The following MDGA2 variants were observed in gnomAD, a reference collection of about 807,000 sequenced individuals.
MDGA2 encodes the protein MAM domain containing glycosylphosphatidylinositol anchor 2, also known as MAM domain-containing glycosylphosphatidylinositol anchor protein 2.
In MDGA2, 40 loss-of-function variants were observed where a neutral mutation model predicts 117.8. The ratio of observed to expected loss-of-function variants is 0.34; its 90% CI spans 0.26 to 0.44. The LOEUF is 0.44. Among genes scored for constraint, MDGA2 ranks in the 20% least tolerant of loss-of-function variants. The pLI is 1.00. For missense variants in MDGA2, 1,123 were observed against 1,250.6 expected (o/e 0.90, Z 1.54); for synonymous variants, 452 against 439.0 (o/e 1.03, Z -0.37).
intron 8 of MDGA2, among the ~76,000 whole-genome samples, chr14:47,001,999 A>ATT (rs1382527411): frequency 6.6e-6 from 1 of 152,110 alleles, no homozygotes; most frequent in Non-Finnish European, 1.5e-5. Flanking sequence ...TAAAGGCAAA[A>ATT]TATATTGTAT....
intron 5 of MDGA2, among the ~76,000 whole-genome samples, chr14:47,125,022 C>A (rs1468954878): frequency 6.6e-6 from 1 of 152,082 alleles, no homozygotes; most frequent in Non-Finnish European, 1.5e-5. Flanking sequence ...TTTCACAAAC[C>A]TAAATAGTCC....
rs1160615524 is a variant in MDGA2, at chr14:47,577,970, C to T, written c.280+96547G>A. Among the ~76,000 whole-genome samples, 8 of 152,236 alleles carry T rather than the reference C, an allele frequency of 5.3e-5. No homozygotes were observed. In the East Asian group the frequency reaches 1.4e-3, roughly 26 times the overall value. ...ATCCTACGGCAAAGACACATGCACACTTGTTTACTGGAGAGCTATTTACAA... is the reference window on the plus strand; with the variant it reads ...ATCCTACGGCAAAGACACATGCACATTTGTTTACTGGAGAGCTATTTACAA... On this transcript the variant is annotated intron_variant, in intron 1 of 16. Coordinates refer to ENST00000399232, the MANE Select transcript of MDGA2 (RefSeq NM_001113498.3).
chr14:47,279,920 G>C (rs374838825), intron 2 of MDGA2, among the ~76,000 whole-genome samples: 49 of 152,176 alleles, frequency 3.2e-4, no homozygotes, highest in African/African-American at 1.1e-3. Context: ...CTCCAGTCTG[G>C]AGTGCAGTGG....
chr14:47,093,799 T>C (rs1383140836), intron 6 of MDGA2, among the ~76,000 whole-genome samples: 1 of 152,114 alleles, frequency 6.6e-6, no homozygotes. Context: ...CTATCAGCAC[T>C]CTACACTCTT....
chr14:47,058,472 G>A, intron 7 of MDGA2: 1 of 955,286 alleles, frequency 1.0e-6, no homozygotes, highest in African/African-American at 1.8e-5. Flanking sequence ...CCATTTGTGT[G>A]AATTTCCTCA....
chr14:47,545,465 T>TTA (rs953087236), intron 1 of MDGA2, among the ~76,000 whole-genome samples: 1 of 152,090 alleles, frequency 6.6e-6, no homozygotes, highest in Non-Finnish European at 1.5e-5. Flanking sequence ...AGAATACACT[T>TTA]TATTTCTCAA....
Position 47,179,748 on chromosome 14 carries a change from A to G in MDGA2, c.596-35474T>C, listed in dbSNP as rs149198005. The stretch of plus-strand genomic sequence containing the variant: ...TATAAAAAATTAATTATCAAATTGA[A>G]ATATTTCAAATTCAAATATTTCTTC... On this transcript the variant is annotated intron_variant, in intron 3 of 16. Transcript: ENST00000399232. Among the ~76,000 whole-genome samples the G allele has an allele frequency of 4.5e-4, 69 of 152,252 alleles. No homozygotes were observed. The East Asian group carries it at 0.013, about 29-fold the overall frequency.
In MDGA2 at chr14:47,085,688, G is replaced by A. The variant is rs539903950; in HGVS notation, c.1195+11166C>T. ...ACCCCCTTCCCCCAAAATTAAAAAA[G>A]ATAATTACAGGAATTACAACAACTT... On this transcript the variant is annotated intron_variant, in intron 6 of 16. Coordinates refer to ENST00000399232, the MANE Select transcript of MDGA2 (RefSeq NM_001113498.3). Among the ~76,000 whole-genome samples the A allele has an allele frequency of 9.4e-5, 14 of 149,646 alleles. No individual in the cohort carries two copies. In the Middle Eastern group the frequency reaches 0.01, roughly 111 times the overall value.
chr14:47,519,370 T>C (rs1275139044), intron 1 of MDGA2, among the ~76,000 whole-genome samples: 1 of 152,200 alleles, frequency 6.6e-6, no homozygotes, highest in African/African-American at 2.4e-5. Context: ...GGATGGAAGG[T>C]CCACATGTCT....
chr14:47,194,813 G>A (rs1443503939), intron 3 of MDGA2, among the ~76,000 whole-genome samples: 1 of 151,442 alleles, frequency 6.6e-6, no homozygotes, highest in Non-Finnish European at 1.5e-5. Context: ...TCACAACTTT[G>A]CAAGATTATT....
chr14:47,457,006 T>C (rs541622551), intron 1 of MDGA2, among the ~76,000 whole-genome samples: 2 of 152,274 alleles, frequency 1.3e-5, no homozygotes, highest in East Asian at 1.9e-4. Flanking sequence ...GCTGACATAC[T>C]ACAACATCTG....
At chr14:47,290,087 T>C (rs1485392492) in intron 2 of MDGA2, among the ~76,000 whole-genome samples, 1 of 151,880 alleles carries the variant, frequency 6.6e-6, no homozygotes, top group Admixed American at 6.6e-5. Context: ...GACATTTTTT[T>C]TAAGAGATGA....
At chr14:47,063,502 T>C (rs1253138488) in intron 6 of MDGA2, among the ~76,000 whole-genome samples, 1 of 152,006 alleles carries the variant, frequency 6.6e-6, no homozygotes, top group African/African-American at 2.4e-5. Flanking sequence ...CTGCCATATT[T>C]GGTATATAAT....
chr14:46,945,278 G>C (rs1036714036), intron 9 of MDGA2, among the ~76,000 whole-genome samples: 50 of 152,074 alleles, frequency 3.3e-4, no homozygotes, highest in African/African-American at 1.2e-3. Flanking sequence ...TTTTAGCAGA[G>C]CTTGGTGTTA....
At chr14:47,431,843 T>C (rs576055513) in intron 1 of MDGA2, among the ~76,000 whole-genome samples, 1 of 152,022 alleles carries the variant, frequency 6.6e-6, no homozygotes, top group East Asian at 1.9e-4. Flanking sequence ...CAGTAAAGAG[T>C]CTAAAAAGTG....
At chr14:47,619,877 C>G (rs889722775) in intron 1 of MDGA2, among the ~76,000 whole-genome samples, 4 of 152,048 alleles carry the variant, frequency 2.6e-5, no homozygotes, top group Non-Finnish European at 5.9e-5. Context: ...CAGGGCTGCT[C>G]TACTCTTGGC....
intron 2 of MDGA2, among the ~76,000 whole-genome samples, chr14:47,271,232 G>A (rs993152003): frequency 1.3e-5 from 2 of 151,974 alleles, no homozygotes; most frequent in South Asian, 4.1e-4. Context: ...CTTCACCTTC[G>A]AATTCCTTCT....
intron 14 of MDGA2, among the ~76,000 whole-genome samples, chr14:46,867,593 AT>A (rs1417692309): frequency 6.6e-6 from 1 of 152,088 alleles, no homozygotes; most frequent in Non-Finnish European, 1.5e-5. Context: ...GATTCTTTAC[AT>A]TCCTTCTCTA....
At position 47,595,547 on chromosome 14, in the gene MDGA2, C is replaced by CAAAAAAAAA. The variant is rs777715271; in HGVS notation, c.280+78961_280+78969dup. 1.9e-3 allele frequency among the ~76,000 whole-genome samples: 134 copies of CAAAAAAAAA among 68,840 alleles called. 3 individuals are homozygous for CAAAAAAAAA. The highest frequency in any genetic ancestry group is 3.9e-3 in the African/African-American group (51 of 13,238). 45.2% of individuals were successfully genotyped at this position (68,840 alleles called of 152,430 possible). On this transcript the variant is annotated intron_variant, in intron 1 of 16. Transcript: ENST00000399232. ...AACTCCTTCTAAAAAAACCAAAAAA[C>CAAAAAAAAA]AAAAAAAAACAAAAAAAAAAAAAAC...
Sources: gnomAD v4.1 joint callset for allele counts (sites outside exome capture counted in the v4.1 genomes callset) on GRCh38, gnomAD v4.1.1 for gene constraint, MANE v1.5 for transcripts, NCBI Gene and HGNC (gene_info 2026-07-23, HGNC 2026-07-21) for gene names.